AGAP1: variants seen among roughly 807,000 people sequenced by gnomAD.
The protein encoded by AGAP1 is ArfGAP with GTPase domain, ankyrin repeat and PH domain 1.
Under a neutral mutation model 105.3 loss-of-function variants are expected in AGAP1, and 29 were observed. The ratio of observed to expected loss-of-function variants is 0.28; its 90% CI spans 0.21 to 0.38. The LOEUF (loss-of-function observed/expected upper bound fraction) is 0.38, where lower values mean the gene tolerates loss of function less well. Among genes scored for constraint, AGAP1 ranks in the 10% least tolerant of loss-of-function variants. The pLI, the probability that AGAP1 is intolerant of heterozygous loss-of-function variation, is 1.00. For missense variants in AGAP1, 998 were observed against 1,165.1 expected (o/e 0.86, Z 2.09); for synonymous variants, 509 against 485.9 (o/e 1.05, Z -0.63).
At chr2:235,797,684 A>G in intron 6 of AGAP1, 75 bp from the exon 7 acceptor site, 6 of 1,569,922 alleles carry the variant, frequency 3.8e-6, no homozygotes, top group East Asian at 2.3e-5. Flanking sequence ...TCGACAACAG[A>G]CTGATGATCT....
At chr2:235,772,027 A>C in intron 6 of AGAP1, among the ~76,000 whole-genome samples, 2 of 121,776 alleles carry the variant, frequency 1.6e-5, no homozygotes, top group Admixed American at 1.1e-4. Context: ...TTGGAGTCTC[A>C]CTCTGTTGCC....
At chr2:236,017,725 A>G (rs187248425) in intron 13 of AGAP1, among the ~76,000 whole-genome samples, 1 of 152,330 alleles carries the variant, frequency 6.6e-6, no homozygotes, top group Admixed American at 6.5e-5. Context: ...TTTGAGTCTA[A>G]GGATCTCTCT....
At chr2:235,829,735 T>C (rs1959195576) in intron 9 of AGAP1, among the ~76,000 whole-genome samples, 1 of 152,214 alleles carries the variant, frequency 6.6e-6, no homozygotes, top group African/African-American at 2.4e-5. Flanking sequence ...CCCAGCCTGA[T>C]GGTATCGTCC....
intron 1 of AGAP1, chr2:235,669,657 C>T (rs1055933749): frequency 6.7e-6 from 1 of 149,110 alleles, no homozygotes; most frequent in African/African-American, 2.4e-5. Flanking sequence ...CACCCTTCGG[C>T]CGCAGCCGGT....
At chr2:236,099,236 A>T (rs2059279464) in intron 16 of AGAP1, among the ~76,000 whole-genome samples, 1 of 152,028 alleles carries the variant, frequency 6.6e-6, no homozygotes, top group South Asian at 2.1e-4. Flanking sequence ...GCGGATCATG[A>T]GGTCAGGAGA....
rs1946026003 is a variant in AGAP1, at chr2:235,608,610, G to T, written c.164-100569G>T. ...GAGCCGATGATGCCCAGAGTGTCTG[G>T]GGGACGCATCCAGGGTCCCAGGCCC... is the stretch of plus-strand genomic sequence containing the variant. On this transcript the variant is annotated intron_variant, in intron 1 of 17. Transcript: ENST00000304032. This position sits in a 1 kb window ranked among gnomAD's most constrained non-coding sequence, Gnocchi z 5.4. 6.6e-6 allele frequency among the ~76,000 whole-genome samples: 1 copy of T among 152,222 alleles called. No homozygotes were observed. The highest frequency in any genetic ancestry group is 1.5e-5 in the Non-Finnish European group (1 of 68,044).
At chr2:235,502,298 G>T (rs1245190505) in intron 1 of AGAP1, among the ~76,000 whole-genome samples, 2 of 152,144 alleles carry the variant, frequency 1.3e-5, no homozygotes, top group African/African-American at 4.8e-5. Context: ...ATCGTTAATG[G>T]ATTCTTTGAG....
In AGAP1 at chr2:235,979,104, A is replaced by C. The variant is rs758709535; in HGVS notation, c.1645+10481A>C. ...TATGCTTTTTCTTTTTTTGGATGAC[A>C]GAAGTGTATTTGTGGGGTTTTTTTG... On this transcript the variant is annotated intron_variant, in intron 13 of 17. Coordinates refer to ENST00000304032, the MANE Select transcript of AGAP1 (RefSeq NM_001037131.3). The surrounding 1 kb of genome is among the most constrained non-coding windows in gnomAD (Gnocchi z 4.5). Among the ~76,000 whole-genome samples the C allele has an allele frequency of 5.3e-5, 8 of 150,816 alleles. No homozygotes were observed. Among genetic ancestry groups the C allele is most frequent in the Middle Eastern group, 3.5e-3 (1 of 288 alleles).
intron 1 of AGAP1, among the ~76,000 whole-genome samples, chr2:235,636,965 C>T (rs1458492026): frequency 6.6e-6 from 1 of 152,142 alleles, no homozygotes; most frequent in Non-Finnish European, 1.5e-5. Flanking sequence ...GAAGCCAGGA[C>T]AGAGGCTCGC....
At chr2:235,576,134 A>G (rs1944725303) in intron 1 of AGAP1, among the ~76,000 whole-genome samples, 3 of 152,188 alleles carry the variant, frequency 2.0e-5, no homozygotes, top group Admixed American at 2.0e-4. Context: ...AGGAGCCACC[A>G]GGCTGGGAGG....
Position 236,055,113 on chromosome 2 carries a change from A to G in AGAP1, c.2114+5832A>G, listed in dbSNP as rs967136313. On this transcript the variant is annotated intron_variant, in intron 16 of 17. Transcript: ENST00000304032. This position sits in a 1 kb window ranked among gnomAD's most constrained non-coding sequence, Gnocchi z 6.2. ...AGGTCCGGGCTGTGCTCTTCTTTCA[A>G]TTAAGTTCTCTGGGGCTTAATGGTA... Among the ~76,000 whole-genome samples the G allele has an allele frequency of 6.6e-5, 10 of 152,272 alleles. No individual in the cohort carries two copies. The highest frequency in any genetic ancestry group is 3.4e-3 in the Middle Eastern group (1 of 294).
In AGAP1 at chr2:235,724,691, C is replaced by G. The variant is rs1951562396; in HGVS notation, c.310+7047C>G. Among the ~76,000 whole-genome samples the G allele has an allele frequency of 6.6e-6, 1 of 152,088 alleles. No homozygotes were observed. Among genetic ancestry groups the G allele is most frequent in the African/African-American group, 2.4e-5 (1 of 41,416 alleles). On this transcript the variant is annotated intron_variant, in intron 3 of 17. Coordinates refer to ENST00000304032, the MANE Select transcript of AGAP1 (RefSeq NM_001037131.3). This position sits in a 1 kb window ranked among gnomAD's most constrained non-coding sequence, Gnocchi z 4.9. ...TGAGGAAAAGCTTTAAGAGAAAATA[C>G]CAGGTGCTAAGAGTAATTATAACTA...
chr2:235,715,865 T>C (rs1479579923), intron 2 of AGAP1, among the ~76,000 whole-genome samples: 1 of 152,084 alleles, frequency 6.6e-6, no homozygotes, highest in Non-Finnish European at 1.5e-5. Context: ...TCCAGCTTTC[T>C]GGCTTGAGAG....
At chr2:236,066,266 C>T (rs1443173768) in intron 16 of AGAP1, among the ~76,000 whole-genome samples, 2 of 152,166 alleles carry the variant, frequency 1.3e-5, no homozygotes, top group African/African-American at 2.4e-5. Context: ...CTCACTCTGT[C>T]GCCCTAGCTG....
In AGAP1 at chr2:236,005,478, C is replaced by T. The variant is rs2056291172; in HGVS notation, c.1646-31083C>T. On this transcript the variant is annotated intron_variant, in intron 13 of 17. Transcript: ENST00000304032. This position sits in a 1 kb window ranked among gnomAD's most constrained non-coding sequence, Gnocchi z 4.1. Reference sequence around the variant, plus strand: ...ATTTACCTCTTTCATTAGTATGGTACATTTCTTAGAGTTCATGAGTCAATA... The same window carrying T: ...ATTTACCTCTTTCATTAGTATGGTATATTTCTTAGAGTTCATGAGTCAATA... Among the ~76,000 whole-genome samples, 1 of 152,162 alleles carries T rather than the reference C, an allele frequency of 6.6e-6. No homozygotes were observed. Among genetic ancestry groups the T allele is most frequent in the Non-Finnish European group, 1.5e-5 (1 of 68,036 alleles).
Position 236,089,987 on chromosome 2 carries a change from G to A in AGAP1, c.2115-30205G>A, listed in dbSNP as rs957053136. On this transcript the variant is annotated intron_variant, in intron 16 of 17. Coordinates refer to ENST00000304032, the MANE Select transcript of AGAP1 (RefSeq NM_001037131.3). The surrounding 1 kb of genome is among the most constrained non-coding windows in gnomAD (Gnocchi z 5.6). ...TGCTCCTATTATAAATCAACCTTAT[G>A]CCTGTACAGCAGCTCCCTGGCTGCA... Among the ~76,000 whole-genome samples the A allele has an allele frequency of 3.9e-5, 6 of 152,144 alleles. No individual in the cohort carries two copies. The highest frequency in any genetic ancestry group is 7.2e-5 in the African/African-American group (3 of 41,516).
intron 1 of AGAP1, among the ~76,000 whole-genome samples, chr2:235,508,556 C>T (rs1376763935): frequency 6.6e-6 from 1 of 152,140 alleles, no homozygotes; most frequent in Non-Finnish European, 1.5e-5. Context: ...GGGATGCTGA[C>T]TGACGGTTTT....
In AGAP1 at chr2:235,744,668, C is replaced by A; in HGVS notation, c.397-30C>A. ...CTTAATCAAGCCTGCTCACTCAGCTCCTGCTCTCCTCCCCTTCTTCTCTCC... is the reference window on the plus strand; with the variant it reads ...CTTAATCAAGCCTGCTCACTCAGCTACTGCTCTCCTCCCCTTCTTCTCTCC... On this transcript the variant is annotated intron_variant, in intron 4 of 17. Coordinates refer to ENST00000304032, the MANE Select transcript of AGAP1 (RefSeq NM_001037131.3). This position sits in a 1 kb window ranked among gnomAD's most constrained non-coding sequence, Gnocchi z 5.2. 6.2e-7 allele frequency: 1 copy of A among 1,613,658 alleles called. No homozygotes were observed. Among genetic ancestry groups the A allele is most frequent in the East Asian group, 2.2e-5 (1 of 44,834 alleles).
At chr2:235,587,953 G>A (rs1945180402) in intron 1 of AGAP1, among the ~76,000 whole-genome samples, 1 of 152,098 alleles carries the variant, frequency 6.6e-6, no homozygotes, top group African/African-American at 2.4e-5. Context: ...TTTGTGGCCG[G>A]GTGTGGTGGC....
Sources: gnomAD v4.1 joint callset for allele counts (sites outside exome capture counted in the v4.1 genomes callset) on GRCh38, gnomAD v4.1.1 for gene constraint, Gnocchi (gnomAD v3.1) non-coding constraint, MANE v1.5 for transcripts, NCBI Gene and HGNC (gene_info 2026-07-23, HGNC 2026-07-21) for gene names.